Variants in MRAP2 observed in about 807,000 individuals in gnomAD.
MRAP2 encodes the protein melanocortin-2 receptor accessory protein 2.
In MRAP2, 20 loss-of-function variants were observed where a neutral mutation model predicts 17.4. The observed-to-expected ratio is 1.15, with a 90% confidence interval of 0.81 to 1.67. The LOEUF is 1.67. Ranked by LOEUF, MRAP2 falls within the 40% of genes most tolerant of loss-of-function variation. MRAP2 has a pLI of 0.00. For synonymous variants in MRAP2, 96 were observed against 88.4 expected (o/e 1.09, Z -0.48); for missense variants, 238 against 240.0 (o/e 0.99, Z 0.05).
the MRAP2 span, among the ~76,000 whole-genome samples, chr6:84,130,406 T>C: frequency 6.6e-6 from 1 of 152,180 alleles, no homozygotes; most frequent in Admixed American, 6.5e-5. Flanking sequence ...CTTTTTCTAT[T>C]GTGTGGAATA....
intron 1 of MRAP2, among the ~76,000 whole-genome samples, chr6:84,047,040 C>A (rs1473039870): frequency 1.3e-5 from 2 of 152,054 alleles, no homozygotes; most frequent in East Asian, 1.9e-4. Context: ...AGGATCCACA[C>A]AGGGAGGGGT....
intron 2 of MRAP2, among the ~76,000 whole-genome samples, chr6:84,060,835 G>A (rs1424097665): frequency 1.3e-5 from 2 of 148,792 alleles, no homozygotes; most frequent in Non-Finnish European, 3.0e-5. Flanking sequence ...ACAGGCGCCT[G>A]CCACCACACC....
intron 1 of MRAP2, among the ~76,000 whole-genome samples, chr6:84,039,600 G>C (rs981310): frequency 0.062 from 9,439 of 152,206 alleles, 946 homozygotes; most frequent in African/African-American, 0.21. Flanking sequence ...ATTGTTGCTC[G>C]TGTTTCTGTT....
chr6:84,038,787 G>A (rs931034160), intron 1 of MRAP2, among the ~76,000 whole-genome samples: 6 of 152,358 alleles, frequency 3.9e-5, no homozygotes, highest in East Asian at 1.9e-4. Flanking sequence ...GAGCCACTGT[G>A]ACTGGCCTCT....
Position 84,082,695 on chromosome 6 carries a change from C to T in MRAP2, c.228-6396C>T, listed in dbSNP as rs193209128. ...CAGAGCTCAAATAATCCTCCTGCCTCGGCCTTCCACAGTGCTGAGATCACA... is the reference window on the plus strand; with the variant it reads ...CAGAGCTCAAATAATCCTCCTGCCTTGGCCTTCCACAGTGCTGAGATCACA... On this transcript the variant is annotated intron_variant, in intron 3 of 3. Coordinates refer to ENST00000257776, the MANE Select transcript of MRAP2 (RefSeq NM_138409.4). 1.2e-3 allele frequency among the ~76,000 whole-genome samples: 184 copies of T among 152,280 alleles called. 2 individuals are homozygous for T. Among genetic ancestry groups the T allele is most frequent in the African/African-American group, 4.2e-3 (175 of 41,556 alleles).
the MRAP2 span, among the ~76,000 whole-genome samples, chr6:84,130,310 G>C: frequency 6.6e-6 from 1 of 152,100 alleles, no homozygotes; most frequent in African/African-American, 2.4e-5. Context: ...ATACTGGCCT[G>C]AAATTTTCTT....
At position 84,088,385 on chromosome 6, in the gene MRAP2, T is replaced by C. The variant is rs529920585; in HGVS notation, c.228-706T>C. On this transcript the variant is annotated intron_variant, in intron 3 of 3. Transcript: ENST00000257776. ...TCATTTATTACCCTTGAACTGCTTA[T>C]TTGTTCCACGTTAAAGGAAACAAGG... 5.9e-5 allele frequency among the ~76,000 whole-genome samples: 9 copies of C among 152,320 alleles called. No homozygotes were observed. In the South Asian group the frequency reaches 1.9e-3, roughly 32 times the overall value.
At chr6:84,145,142 G>A in the MRAP2 span, among the ~76,000 whole-genome samples, 5 of 152,034 alleles carry the variant, frequency 3.3e-5, no homozygotes, top group Non-Finnish European at 7.4e-5. Flanking sequence ...TTACATACGA[G>A]GTTTCCTTAT....
At chr6:84,055,263 C>T (rs45563336) in intron 1 of MRAP2, 49 bp from the exon 2 acceptor site, 279,318 of 1,579,260 alleles carry the variant, frequency 0.18, 25,779 homozygotes, top group Middle Eastern at 0.23. Context: ...AACTGTGCAG[C>T]TCTGGATGAA....
At chr6:84,033,566 G>C (rs1292521520), upstream of MRAP2, 3 of 579,092 alleles carry the variant, frequency 5.2e-6, no homozygotes, top group African/African-American at 6.1e-5. Context: ...TCTGACTCAG[G>C]CTCTGACCCG....
the MRAP2 span, among the ~76,000 whole-genome samples, chr6:84,109,154 G>A: frequency 6.6e-6 from 1 of 152,000 alleles, no homozygotes; most frequent in Non-Finnish European, 1.5e-5. Flanking sequence ...TGGCTTTTTG[G>A]GCTCTTTTTT....
chr6:84,123,290 C>G, the MRAP2 span, among the ~76,000 whole-genome samples: 2 of 149,592 alleles, frequency 1.3e-5, no homozygotes, highest in African/African-American at 2.5e-5. Context: ...CAAAGCACTC[C>G]TAAGCAAAAA....
At chr6:84,115,712 G>A in the MRAP2 span, among the ~76,000 whole-genome samples, 4 of 152,178 alleles carry the variant, frequency 2.6e-5, no homozygotes, top group African/African-American at 9.6e-5. Flanking sequence ...GATGATGTAG[G>A]CACCGCAGGG....
At chr6:84,049,608 A>G (rs892203072) in intron 1 of MRAP2, among the ~76,000 whole-genome samples, 1 of 152,182 alleles carries the variant, frequency 6.6e-6, no homozygotes, top group African/African-American at 2.4e-5. Context: ...TAATTAAGCA[A>G]TTCTTTATTT....
At chr6:84,098,215 CTG>C in the MRAP2 span, among the ~76,000 whole-genome samples, 1 of 152,090 alleles carries the variant, frequency 6.6e-6, no homozygotes. Context: ...AGTACATACT[CTG>C]TTTTGCCTGG....
At chr6:84,043,577 T>C (rs2129159316) in intron 1 of MRAP2, among the ~76,000 whole-genome samples, 1 of 152,114 alleles carries the variant, frequency 6.6e-6, no homozygotes, top group Non-Finnish European at 1.5e-5. Flanking sequence ...GAGCCCTCCC[T>C]TTTTTAATGA....
chr6:84,045,469 A>ATAT (rs112931042), intron 1 of MRAP2, among the ~76,000 whole-genome samples: 7 of 152,166 alleles, frequency 4.6e-5, no homozygotes, highest in African/African-American at 1.7e-4. Flanking sequence ...GAAAAAAAAA[A>ATAT]ATATACACAC....
chr6:84,096,341 A>C, the MRAP2 span, among the ~76,000 whole-genome samples: 5 of 152,178 alleles, frequency 3.3e-5, no homozygotes, highest in Admixed American at 2.6e-4. Context: ...GATAAAATTA[A>C]TAAAGACAAA....
intron 1 of MRAP2, among the ~76,000 whole-genome samples, chr6:84,050,063 A>T (rs2099490043): frequency 6.6e-6 from 1 of 152,172 alleles, no homozygotes; most frequent in African/African-American, 2.4e-5. Context: ...AGTAAGAGTC[A>T]TACTCGAGTC....
Sources: gnomAD v4.1 joint callset for allele counts (sites outside exome capture counted in the v4.1 genomes callset) on GRCh38, gnomAD v4.1.1 for gene constraint, MANE v1.5 for transcripts, NCBI Gene and HGNC (gene_info 2026-07-23, HGNC 2026-07-21) for gene names.